Variants in BNC2 observed in about 807,000 individuals in gnomAD.
BNC2 encodes the protein zinc finger protein basonuclin-2.
In BNC2, 20 loss-of-function variants were observed where a neutral mutation model predicts 76.3. The observed-to-expected ratio is 0.26, with a 90% CI of 0.18 to 0.38. BNC2 has a LOEUF of 0.38. Among genes scored for constraint, BNC2 ranks in the 10% least tolerant of loss-of-function variants. The probability of loss-of-function intolerance (pLI) is 1.00; values close to 1 mark genes in which losing one functional copy is unlikely to be tolerated. For synonymous variants in BNC2, 582 were observed against 514.8 expected, an observed-to-expected ratio of 1.13 and a Z score of -1.77; for missense variants, 1,382 against 1,399.8, an observed-to-expected ratio of 0.99 and a Z score of 0.20.
intron 3 of BNC2, among the ~76,000 whole-genome samples, chr9:16,705,516 G>A (rs1015517912): frequency 1.3e-5 from 2 of 152,162 alleles, no homozygotes; most frequent in African/African-American, 4.8e-5. Flanking sequence ...CACACACTGC[G>A]CAGGCCATTT....
intron 3 of BNC2, among the ~76,000 whole-genome samples, chr9:16,698,153 C>G (rs778636336): frequency 1.7e-4 from 26 of 152,168 alleles, no homozygotes; most frequent in Non-Finnish European, 3.1e-4. Context: ...AGAAACCATA[C>G]ATCTACCTAT....
At chr9:16,808,275 A>C (rs934873963) in intron 1 of BNC2, among the ~76,000 whole-genome samples, 1 of 152,044 alleles carries the variant, frequency 6.6e-6, no homozygotes, top group Non-Finnish European at 1.5e-5. Context: ...ATTACCCACC[A>C]TTTTCATTAT....
intron 5 of BNC2, among the ~76,000 whole-genome samples, chr9:16,528,934 G>C (rs1440417987): frequency 6.6e-6 from 1 of 152,202 alleles, no homozygotes; most frequent in East Asian, 1.9e-4. Flanking sequence ...CTCTGTTCCA[G>C]AGGCCAGAAG....
intron 3 of BNC2, among the ~76,000 whole-genome samples, chr9:16,637,920 C>T (rs1238960142): frequency 3.3e-5 from 5 of 152,108 alleles, no homozygotes; most frequent in Non-Finnish European, 7.3e-5. Flanking sequence ...ATTTTAAGTG[C>T]CCAGCAAGAA....
chr9:16,593,580 G>T (rs539905891), intron 3 of BNC2, among the ~76,000 whole-genome samples: 2 of 151,838 alleles, frequency 1.3e-5, no homozygotes, highest in Non-Finnish European at 2.9e-5. Context: ...TAATACATGC[G>T]ATTTTGTTAG....
chr9:16,798,072 C>T (rs185680582), intron 1 of BNC2, among the ~76,000 whole-genome samples: 1 of 152,280 alleles, frequency 6.6e-6, no homozygotes, highest in Non-Finnish European at 1.5e-5. Context: ...ACCCAAGAAT[C>T]CCTTTTGTTG....
At chr9:16,473,489 CCA>C (rs1821865978) in intron 5 of BNC2, 2 of 152,138 alleles carry the variant, frequency 1.3e-5, no homozygotes, top group Non-Finnish European at 2.9e-5. Context: ...GATCCCAGCT[CCA>C]CCACTGTCAA....
intron 1 of BNC2, among the ~76,000 whole-genome samples, chr9:16,848,230 A>G (rs1329295612): frequency 6.6e-6 from 1 of 152,200 alleles, no homozygotes; most frequent in African/African-American, 2.4e-5. Context: ...GCACCAAAAA[A>G]AGGAGGCAGA....
At chr9:16,735,920 G>C (rs1824653745) in intron 2 of BNC2, among the ~76,000 whole-genome samples, 1 of 151,842 alleles carries the variant, frequency 6.6e-6, no homozygotes, top group African/African-American at 2.4e-5. Flanking sequence ...AGAAGATTGA[G>C]ATTCACCAAC....
intron 3 of BNC2, among the ~76,000 whole-genome samples, chr9:16,620,643 A>C (rs1349572641): frequency 6.6e-6 from 1 of 152,206 alleles, no homozygotes; most frequent in Non-Finnish European, 1.5e-5. Context: ...ACCATAAGAA[A>C]AGATTTGTAA....
At chr9:16,496,583 G>C (rs1035240185) in intron 5 of BNC2, among the ~76,000 whole-genome samples, 56 of 152,252 alleles carry the variant, frequency 3.7e-4, no homozygotes, top group African/African-American at 1.3e-3. Context: ...AGACATCTAA[G>C]GTTTAAATCT....
chr9:16,789,169 G>C (rs867239517), intron 1 of BNC2, among the ~76,000 whole-genome samples: 1 of 152,130 alleles, frequency 6.6e-6, no homozygotes, highest in African/African-American at 2.4e-5. Flanking sequence ...GATATTTTGA[G>C]AAACACAAAA....
intron 3 of BNC2, among the ~76,000 whole-genome samples, chr9:16,606,407 C>T (rs1471559109): frequency 1.3e-5 from 2 of 152,144 alleles, no homozygotes; most frequent in South Asian, 2.1e-4. Flanking sequence ...CAAATCTCAT[C>T]TTGTAGCTCC....
chr9:16,775,645 C>G, intron 1 of BNC2: 1 of 195,184 alleles, frequency 5.1e-6, no homozygotes, highest in Non-Finnish European at 1.2e-5. Flanking sequence ...CTTTCAGTTC[C>G]TCTACTTCCA....
intron 3 of BNC2, chr9:16,665,206 T>C (rs1375752666): frequency 2.6e-6 from 1 of 386,022 alleles, no homozygotes; most frequent in Non-Finnish European, 5.0e-6. Flanking sequence ...CTGTTTCTAC[T>C]AAAAATAGAA....
chr9:16,649,627 C>T (rs1821736551), intron 3 of BNC2, among the ~76,000 whole-genome samples: 1 of 152,174 alleles, frequency 6.6e-6, no homozygotes, highest in Non-Finnish European at 1.5e-5. Flanking sequence ...GCCACTTCTA[C>T]AGGCCTCTGT....
intron 5 of BNC2, among the ~76,000 whole-genome samples, chr9:16,472,837 T>C (rs1310729796): frequency 6.6e-6 from 1 of 152,222 alleles, no homozygotes; most frequent in Non-Finnish European, 1.5e-5. Context: ...TTTAGTTATG[T>C]TGATATGGAT....
chr9:16,781,454 T>G (rs1826152384), intron 1 of BNC2, among the ~76,000 whole-genome samples: 1 of 152,200 alleles, frequency 6.6e-6, no homozygotes, highest in Non-Finnish European at 1.5e-5. Flanking sequence ...GCAATTCTCC[T>G]GCCTCAGCCA....
At chr9:16,494,368 G>C (rs1306574749) in intron 5 of BNC2, among the ~76,000 whole-genome samples, 2 of 152,030 alleles carry the variant, frequency 1.3e-5, no homozygotes, top group African/African-American at 4.8e-5. Flanking sequence ...GGCCGGGGTG[G>C]TCTCGATCTC....
Sources: allele counts gnomAD v4.1 joint callset (sites outside exome capture counted in the v4.1 genomes callset), GRCh38; gene constraint gnomAD v4.1.1; transcripts MANE v1.5; gene names NCBI Gene and HGNC (gene_info 2026-07-23, HGNC 2026-07-21).